The following RTN1 variants were observed in gnomAD, a reference collection of about 807,000 sequenced individuals.
RTN1 encodes the protein reticulon 1, also known as reticulon-1.
RTN1 carries 25 observed loss-of-function variants against 65.5 expected under a neutral mutation model. The ratio of observed to expected loss-of-function variants is 0.38; its 90% CI spans 0.28 to 0.53. The LOEUF is 0.53. Among genes scored for constraint, RTN1 ranks in the 20% least tolerant of loss-of-function variants. The probability of loss-of-function intolerance (pLI) is 0.79; values close to 1 mark genes in which losing one functional copy is unlikely to be tolerated. For synonymous variants in RTN1, 471 were observed against 447.6 expected (o/e 1.05, Z -0.66); for missense variants, 983 against 1,025.4 (o/e 0.96, Z 0.57).
intron 1 of RTN1, among the ~76,000 whole-genome samples, chr14:59,786,290 G>T (rs1043200968): frequency 6.6e-6 from 1 of 152,130 alleles, no homozygotes; most frequent in Non-Finnish European, 1.5e-5. Flanking sequence ...TTACTATTAC[G>T]TGAGTTTGGG....
At chr14:59,664,044 A>G (rs978571678) in intron 3 of RTN1, among the ~76,000 whole-genome samples, 1 of 152,186 alleles carries the variant, frequency 6.6e-6, no homozygotes, top group Non-Finnish European at 1.5e-5. Context: ...ACTATTCACA[A>G]TAGCAAAGAC....
intron 1 of RTN1, among the ~76,000 whole-genome samples, chr14:59,807,314 T>C (rs1424337702): frequency 6.6e-6 from 1 of 152,188 alleles, no homozygotes; most frequent in East Asian, 1.9e-4. Flanking sequence ...TAGGTCGGTC[T>C]AGAACTGCTA....
intron 1 of RTN1, among the ~76,000 whole-genome samples, chr14:59,758,998 C>A (rs891326392): frequency 6.6e-6 from 1 of 152,122 alleles, no homozygotes; most frequent in Admixed American, 6.6e-5. Context: ...AGTTCAGGTG[C>A]CCTTGGATGC....
intron 2 of RTN1, among the ~76,000 whole-genome samples, chr14:59,729,061 C>T (rs1278475027): frequency 3.9e-5 from 6 of 152,050 alleles, no homozygotes; most frequent in South Asian, 2.1e-4. Context: ...TAGGGGAGTC[C>T]GTGTAGGCCT....
At position 59,870,383 on chromosome 14, in the gene RTN1, G is replaced by A. The variant is rs756745503; in HGVS notation, c.241+7C>T. Reference sequence around the variant, plus strand: ...CGCCATTTGAGGGGCAGCGGCGCCCGCCTTACCTGTGGATGCAGTTTCCAT... The same window carrying A: ...CGCCATTTGAGGGGCAGCGGCGCCCACCTTACCTGTGGATGCAGTTTCCAT... On this transcript the variant is annotated splice_region_variant and intron_variant, in intron 1 of 8. Coordinates refer to ENST00000267484, the MANE Select transcript of RTN1 (RefSeq NM_021136.3). The surrounding 1 kb of genome is among the most constrained non-coding windows in gnomAD (Gnocchi z 5.1). 1.3e-6 allele frequency: 2 copies of A among 1,513,554 alleles called. No homozygotes were observed. Among genetic ancestry groups the A allele is most frequent in the East Asian group, 2.7e-5 (1 of 36,960 alleles). The allele number at this position is 1,513,554 out of a possible 1,614,324, so 93.8% of individuals were successfully genotyped here. A position where few individuals can be genotyped will look rare whatever the true frequency, so the allele number is the denominator to read the frequency against.
chr14:59,645,827 G>A (rs1219759242), intron 3 of RTN1, among the ~76,000 whole-genome samples: 1 of 152,192 alleles, frequency 6.6e-6, no homozygotes, highest in Non-Finnish European at 1.5e-5. Context: ...TCAATCAGAG[G>A]CAGCCCAGCA....
Position 59,849,097 on chromosome 14 carries a change from T to C in RTN1, c.241+21293A>G, listed in dbSNP as rs1194409030. 6.6e-6 allele frequency among the ~76,000 whole-genome samples: 1 copy of C among 152,206 alleles called. No individual in the cohort carries two copies. The highest frequency in any genetic ancestry group is 1.5e-5 in the Non-Finnish European group (1 of 68,038). On this transcript the variant is annotated intron_variant, in intron 1 of 8. Transcript: ENST00000267484. This position sits in a 1 kb window ranked among gnomAD's most constrained non-coding sequence, Gnocchi z 4.5. ...TTCTATATGTAGTTTATGGCCTTGG[T>C]TGGAAACAATAGAATTATGCAAATT...
chr14:59,868,749 A>C lies in RTN1; in HGVS notation c.241+1641T>G, dbSNP rs890096804. ...TTCTAGTTCACATAATCTTAGTGGC[A>C]CTAATAGGAGGTGGGTAATGTTTCA... On this transcript the variant is annotated intron_variant, in intron 1 of 8. Transcript: ENST00000267484. This position sits in a 1 kb window ranked among gnomAD's most constrained non-coding sequence, Gnocchi z 4.0. Among the ~76,000 whole-genome samples, 3 of 152,220 alleles carry C rather than the reference A, an allele frequency of 2.0e-5. No homozygotes were observed. The highest frequency in any genetic ancestry group is 4.4e-5 in the Non-Finnish European group (3 of 68,046).
intron 2 of RTN1, among the ~76,000 whole-genome samples, chr14:59,740,127 C>T (rs1047531545): frequency 6.6e-6 from 1 of 152,192 alleles, no homozygotes; most frequent in Non-Finnish European, 1.5e-5. Context: ...TCCCTGACCC[C>T]AGACTGAAAG....
chr14:59,730,000 T>C (rs1468451346), intron 2 of RTN1, among the ~76,000 whole-genome samples: 1 of 152,218 alleles, frequency 6.6e-6, no homozygotes, highest in Non-Finnish European at 1.5e-5. Flanking sequence ...TCTTTAGGTC[T>C]AGGGGTAGTA....
intron 3 of RTN1, among the ~76,000 whole-genome samples, chr14:59,679,570 G>C (rs1883701991): frequency 6.6e-6 from 1 of 152,176 alleles, no homozygotes; most frequent in Non-Finnish European, 1.5e-5. Flanking sequence ...AAACAGCAGA[G>C]TACAAAACAG....
intron 3 of RTN1, among the ~76,000 whole-genome samples, chr14:59,624,789 G>A (rs1297137231): frequency 6.6e-6 from 1 of 152,150 alleles, no homozygotes; most frequent in Non-Finnish European, 1.5e-5. Context: ...CTAGAAAGGT[G>A]ACAGTATATC....
At chr14:59,783,655 A>G (rs981402740) in intron 1 of RTN1, among the ~76,000 whole-genome samples, 2 of 152,208 alleles carry the variant, frequency 1.3e-5, no homozygotes, top group African/African-American at 4.8e-5. Context: ...CAATGGAAAT[A>G]GTGAGAGCAA....
At position 59,664,925 on chromosome 14, in the gene RTN1, A is replaced by G. The variant is rs544677193; in HGVS notation, c.1766-57433T>C. Among the ~76,000 whole-genome samples, 3 of 152,276 alleles carry G rather than the reference A, an allele frequency of 2.0e-5. No homozygotes were observed. The South Asian group carries it at 6.2e-4, about 32-fold the overall frequency. ...ATAGAAACTATCCAACTTTTTTGCA[A>G]AGTGGCTGTACAACTTTATATTCCC... On this transcript the variant is annotated intron_variant, in intron 3 of 8. Coordinates refer to ENST00000267484, the MANE Select transcript of RTN1 (RefSeq NM_021136.3).
intron 3 of RTN1, among the ~76,000 whole-genome samples, chr14:59,707,665 G>C (rs934507748): frequency 3.3e-5 from 5 of 151,190 alleles, no homozygotes; most frequent in Non-Finnish European, 5.9e-5. Flanking sequence ...TTAACTGCTT[G>C]ATAATTCTCT....
At chr14:59,869,573 C>G in intron 1 of RTN1, among the ~76,000 whole-genome samples, 1 of 50,486 alleles carries the variant, frequency 2.0e-5, no homozygotes. Context: ...AGGGCAATTT[C>G]CGGGGTGGGG....
chr14:59,600,756 G>C (rs1881553602), intron 8 of RTN1, among the ~76,000 whole-genome samples: 1 of 152,184 alleles, frequency 6.6e-6, no homozygotes, highest in South Asian at 2.1e-4. Context: ...TCTGCCTGAA[G>C]CTCAATTACA....
chr14:59,866,572 T>C (rs947947211), intron 1 of RTN1, among the ~76,000 whole-genome samples: 3 of 152,164 alleles, frequency 2.0e-5, no homozygotes, highest in African/African-American at 4.8e-5. Flanking sequence ...TTGAATTCCC[T>C]ATATTAAAGA....
chr14:59,859,392 T>C (rs1350256941), intron 1 of RTN1, among the ~76,000 whole-genome samples: 1 of 152,218 alleles, frequency 6.6e-6, no homozygotes, highest in Non-Finnish European at 1.5e-5. Flanking sequence ...CCTCCTTGCT[T>C]TCCACCATGA....
Sources: allele counts gnomAD v4.1 joint callset (sites outside exome capture counted in the v4.1 genomes callset), GRCh38; gene constraint gnomAD v4.1.1; non-coding constraint Gnocchi (gnomAD v3.1); transcripts MANE v1.5; gene names NCBI Gene and HGNC (gene_info 2026-07-23, HGNC 2026-07-21).